RFX3: variants seen among roughly 807,000 people sequenced by gnomAD.
RFX3 encodes the protein regulatory factor X3, also known as transcription factor RFX3.
In RFX3, 14 loss-of-function variants were observed where a neutral mutation model predicts 98.6. The ratio of observed to expected loss-of-function variants is 0.14; its 90% confidence interval spans 0.09 to 0.22. RFX3 has a LOEUF of 0.22. Ranked by LOEUF, RFX3 falls within the 10% of genes least tolerant of loss-of-function variation. RFX3 has a pLI of 1.00. For missense variants in RFX3, 639 were observed against 926.9 expected, an observed-to-expected ratio of 0.69 and a Z score of 4.03; for synonymous variants, 383 against 328.4, an observed-to-expected ratio of 1.17 and a Z score of -1.80.
chr9:3,339,051 T>G (rs1833547207), intron 3 of RFX3, among the ~76,000 whole-genome samples: 1 of 152,134 alleles, frequency 6.6e-6, no homozygotes, highest in South Asian at 2.1e-4. Flanking sequence ...ATCGCACCAC[T>G]GCACTCCAGC....
chr9:3,367,630 A>G (rs1249983452), intron 2 of RFX3, among the ~76,000 whole-genome samples: 1 of 152,196 alleles, frequency 6.6e-6, no homozygotes, highest in Non-Finnish European at 1.5e-5. Context: ...TTACACCTCC[A>G]TGGGTTTTCA....
intron 1 of RFX3, among the ~76,000 whole-genome samples, chr9:3,424,411 G>C (rs186083029): frequency 0.023 from 3,102 of 133,674 alleles, 35 homozygotes; most frequent in Middle Eastern, 0.064. Context: ...GCCCAGGCTG[G>C]AGTGCAGTGG....
intron 1 of RFX3, among the ~76,000 whole-genome samples, chr9:3,411,456 A>G (rs1842461127): frequency 6.6e-6 from 1 of 151,882 alleles, no homozygotes; most frequent in Non-Finnish European, 1.5e-5. Flanking sequence ...TCCACCTCCC[A>G]GGTTCAAGGA....
intron 4 of RFX3, among the ~76,000 whole-genome samples, chr9:3,328,145 T>C (rs1445980261): frequency 2.0e-5 from 3 of 152,034 alleles, no homozygotes; most frequent in Non-Finnish European, 4.4e-5. Context: ...GTGGATGAAA[T>C]GAAAGTGGGA....
intron 1 of RFX3, among the ~76,000 whole-genome samples, chr9:3,458,842 G>A (rs1847431370): frequency 6.6e-6 from 1 of 152,168 alleles, no homozygotes; most frequent in Non-Finnish European, 1.5e-5. Flanking sequence ...AACTTTGGTA[G>A]TAGAAGAAAG....
chr9:3,452,339 T>C, intron 1 of RFX3: 1 of 325,974 alleles, frequency 3.1e-6, no homozygotes, highest in Non-Finnish European at 6.6e-6. Context: ...GCCTGTAATC[T>C]CAGTGCTTTG....
chr9:3,445,034 C>A (rs1461734692), intron 1 of RFX3, among the ~76,000 whole-genome samples: 1 of 152,106 alleles, frequency 6.6e-6, no homozygotes, highest in African/African-American at 2.4e-5. Flanking sequence ...GGGAGAAATA[C>A]ATTTAATCAC....
At chr9:3,446,155 A>C (rs778350332) in intron 1 of RFX3, among the ~76,000 whole-genome samples, 5 of 152,098 alleles carry the variant, frequency 3.3e-5, no homozygotes, top group Non-Finnish European at 5.9e-5. Flanking sequence ...TGGGCAGGTG[A>C]ATGAGTAAAC....
Position 3,489,000 on chromosome 9 carries a change from A to G in RFX3, c.-9+36747T>C, listed in dbSNP as rs947484685. 5.8e-6 allele frequency: 3 copies of G among 516,998 alleles called. No homozygotes were observed. The African/African-American group carries it at 6.3e-5, about 11-fold the overall frequency. 32.0% of individuals were successfully genotyped at this position (516,998 alleles called of 1,614,324 possible). ...CACATCTTTGATTGAAACAACATGA[A>G]CACAATTTTTAGAACTTAGAAATTA... On this transcript the variant is annotated intron_variant, in intron 1 of 16. Coordinates refer to ENST00000617270, the MANE Select transcript of RFX3 (RefSeq NM_001282116.2).
chr9:3,229,493 G>A (rs1039285314), intron 15 of RFX3, among the ~76,000 whole-genome samples: 1 of 152,222 alleles, frequency 6.6e-6, no homozygotes, highest in African/African-American at 2.4e-5. Context: ...AACAAAGAGA[G>A]CTTGAAACAA....
chr9:3,269,897 T>C (rs961322863), intron 11 of RFX3, among the ~76,000 whole-genome samples: 3 of 152,010 alleles, frequency 2.0e-5, no homozygotes, highest in Admixed American at 6.6e-5. Context: ...GTGAAGGAGG[T>C]TGGCCTAGCA....
At chr9:3,460,573 T>C (rs566574182) in intron 1 of RFX3, among the ~76,000 whole-genome samples, 1 of 152,074 alleles carries the variant, frequency 6.6e-6, no homozygotes, top group East Asian at 1.9e-4. Flanking sequence ...TCCTTAGCTC[T>C]AAACTTGAAA....
intron 13 of RFX3, among the ~76,000 whole-genome samples, chr9:3,261,862 C>T (rs1024064692): frequency 4.6e-5 from 7 of 152,020 alleles, no homozygotes; most frequent in African/African-American, 1.7e-4. Context: ...CGAAATGGTA[C>T]CTCGCTGTGG....
intron 4 of RFX3, among the ~76,000 whole-genome samples, chr9:3,322,002 A>G (rs1831379655): frequency 6.6e-6 from 1 of 152,034 alleles, no homozygotes; most frequent in Non-Finnish European, 1.5e-5. Flanking sequence ...TCATGTGCTT[A>G]GATAATTGTT....
intron 1 of RFX3, among the ~76,000 whole-genome samples, chr9:3,468,815 G>GAAAAAAAAA (rs34057815): frequency 5.3e-4 from 45 of 84,122 alleles, no homozygotes; most frequent in Non-Finnish European, 8.1e-4. Flanking sequence ...TTTTCCTTTT[G>GAAAAAAAAA]AAAAAAAAAA....
chr9:3,280,979 T>C (rs1260652776), intron 7 of RFX3, among the ~76,000 whole-genome samples: 1 of 151,826 alleles, frequency 6.6e-6, no homozygotes, highest in African/African-American at 2.4e-5. Flanking sequence ...ACAATAAATA[T>C]ATTTGAATGA....
chr9:3,383,152 C>T (rs1475110394), intron 2 of RFX3, among the ~76,000 whole-genome samples: 1 of 152,054 alleles, frequency 6.6e-6, no homozygotes, highest in African/African-American at 2.4e-5. Context: ...TGGATTTTAT[C>T]ATTTTTCCCT....
At chr9:3,441,308 TGAGA>T (rs562907863) in intron 1 of RFX3, among the ~76,000 whole-genome samples, 193 of 147,144 alleles carry the variant, frequency 1.3e-3, no homozygotes, top group Middle Eastern at 3.4e-3. Context: ...GCTACAGAAT[TGAGA>T]GAGAGAGAGA....
intron 1 of RFX3, among the ~76,000 whole-genome samples, chr9:3,505,230 GAATA>G (rs1160198980): frequency 1.7e-5 from 1 of 58,358 alleles, no homozygotes; most frequent in Non-Finnish European, 2.4e-5. Flanking sequence ...ATTTATATAT[GAATA>G]TATATTTATA....
Sources: allele counts gnomAD v4.1 joint callset (sites outside exome capture counted in the v4.1 genomes callset), GRCh38; gene constraint gnomAD v4.1.1; transcripts MANE v1.5; gene names NCBI Gene and HGNC (gene_info 2026-07-23, HGNC 2026-07-21).